The following ANK2 variants were observed in gnomAD, a reference collection of about 807,000 sequenced individuals.
The protein encoded by ANK2 is ankyrin 2, also known as ankyrin-2.
Under a neutral mutation model 360.5 loss-of-function variants are expected in ANK2, and 83 were observed. The observed-to-expected ratio is 0.23, with a 90% CI of 0.19 to 0.28. The LOEUF is 0.28. Among genes scored for constraint, ANK2 ranks in the 10% least tolerant of loss-of-function variants. The pLI, the probability that ANK2 is intolerant of heterozygous loss-of-function variation, is 1.00. For missense variants in ANK2, 4,201 were observed against 4,795.7 expected, an observed-to-expected ratio of 0.88 and a Z score of 3.66; for synonymous variants, 1,740 against 1,759.5, an observed-to-expected ratio of 0.99 and a Z score of 0.28.
intron 1 of ANK2, among the ~76,000 whole-genome samples, chr4:113,090,789 T>A (rs949275363): frequency 6.6e-6 from 1 of 152,212 alleles, no homozygotes; most frequent in African/African-American, 2.4e-5. Context: ...TAATATAATG[T>A]TTTGAAGCTG....
chr4:113,007,891 G>C (rs1355748991), intron 2 of ANK2, among the ~76,000 whole-genome samples: 4 of 152,202 alleles, frequency 2.6e-5, no homozygotes, highest in Admixed American at 2.6e-4. Flanking sequence ...GCAGCAAAAA[G>C]ATGCAATATA....
intron 1 of ANK2, chr4:112,880,790 A>T (rs2076491551): frequency 6.6e-6 from 1 of 152,166 alleles, no homozygotes; most frequent in South Asian, 2.1e-4. Flanking sequence ...TAACTTCCTT[A>T]TAAATCCCTC....
At chr4:113,113,767 C>T (rs2094512053) in intron 1 of ANK2, among the ~76,000 whole-genome samples, 1 of 152,158 alleles carries the variant, frequency 6.6e-6, no homozygotes, top group Non-Finnish European at 1.5e-5. Flanking sequence ...CTTGTCTGTG[C>T]AGAGGTCAGC....
At chr4:112,843,491 T>G (rs2062616613) in intron 1 of ANK2, among the ~76,000 whole-genome samples, 1 of 152,146 alleles carries the variant, frequency 6.6e-6, no homozygotes, top group Non-Finnish European at 1.5e-5. Flanking sequence ...AGTGTTCTGA[T>G]TTAGATAAGA....
chr4:112,842,284 A>G (rs2062266647), intron 1 of ANK2, among the ~76,000 whole-genome samples: 1 of 152,244 alleles, frequency 6.6e-6, no homozygotes, highest in African/African-American at 2.4e-5. Context: ...TGCTGGGATT[A>G]CAGGCGTGAG....
intron 4 of ANK2, among the ~76,000 whole-genome samples, chr4:113,200,979 A>G (rs2098822325): frequency 6.6e-6 from 1 of 152,134 alleles, no homozygotes; most frequent in Non-Finnish European, 1.5e-5. Context: ...TGGTACATGT[A>G]CACCCATGTA....
In ANK2 at chr4:112,932,127, C is replaced by T. The variant is rs145465960; in HGVS notation, c.21+27613C>T. ...ACATATTTGCTTTGGGAGGCTGAGA[C>T]GGGTGGATCACAAGGTCAGGAGATC... is the stretch of plus-strand genomic sequence containing the variant. On this transcript the variant is annotated intron_variant, in intron 2 of 30. Transcript: ENST00000503271. Among the ~76,000 whole-genome samples, 255 of 152,184 alleles carry T rather than the reference C, an allele frequency of 1.7e-3. 3 individuals carry two copies. The East Asian group carries it at 0.039, about 23-fold the overall frequency.
At position 113,255,756 on chromosome 4, in the gene ANK2, A is replaced by G; in HGVS notation, c.1012A>G (p.Met338Val). ...GCAGAATGGGCTGTCTCCACTACACATGGCTGCCCAGGGAGACCACGTGGA... is the reference window on the plus strand; with the variant it reads ...GCAGAATGGGCTGTCTCCACTACACGTGGCTGCCCAGGGAGACCACGTGGA... Reference protein sequence around the residue: ...RTKNGLSPLHMAAQGDHVECV... With the variant: ...RTKNGLSPLHVAAQGDHVECV... The change falls in exon 11 of 46, where the codon ATG becomes GTG. Residue 338 changes from methionine to valine, a missense_variant. Physicochemically the swap from Met to Val is conservative, Grantham distance 21 (BLOSUM62 1). Coordinates refer to ENST00000357077, the MANE Select transcript of ANK2 (RefSeq NM_001148.6). 1 of 1,614,130 alleles carries G rather than the reference A, an allele frequency of 6.2e-7. No homozygotes were observed. The highest frequency in any genetic ancestry group is 1.1e-5 in the South Asian group (1 of 91,076).
intron 2 of ANK2, among the ~76,000 whole-genome samples, chr4:113,174,979 T>C (rs1044869675): frequency 1.1e-4 from 17 of 152,222 alleles, no homozygotes; most frequent in Non-Finnish European, 2.1e-4. Flanking sequence ...TTGAAATTAT[T>C]ATTGTAAATG....
At chr4:112,778,452 A>G in the ANK2 span, among the ~76,000 whole-genome samples, 2 of 152,170 alleles carry the variant, frequency 1.3e-5, no homozygotes, top group African/African-American at 2.4e-5. Flanking sequence ...GATTACAGGC[A>G]TGAACCACCG....
Position 113,363,390 on chromosome 4 carries a change from T to A in ANK2, c.10809T>A (p.Ile3603=), listed in dbSNP as rs924379504. ...FTEEQIHQIR[I]ENPNSLQDQS... ...AGGAGCAAATTCATCAAATTCGAAT[T>A]GAAAATCCCAACTCTCTTCAAGACC... is the stretch of plus-strand genomic sequence containing the variant. Residue 3603 remains isoleucine, a synonymous_variant, in exon 40 of 46, where the codon ATT becomes ATA. Transcript: ENST00000357077. The A allele has an allele frequency of 7.4e-6, 12 of 1,613,330 alleles. No homozygotes were observed. The African/African-American group carries it at 1.6e-4, about 22-fold the overall frequency.
At chr4:113,222,624 T>C (rs1261748941) in intron 4 of ANK2, among the ~76,000 whole-genome samples, 2 of 152,240 alleles carry the variant, frequency 1.3e-5, no homozygotes, top group Non-Finnish European at 2.9e-5. Flanking sequence ...TCTCACCACT[T>C]GGTGTCTCCT....
chr4:113,309,644 A>G (rs2078914446), intron 23 of ANK2, among the ~76,000 whole-genome samples: 1 of 151,920 alleles, frequency 6.6e-6, no homozygotes, highest in African/African-American at 2.4e-5. Flanking sequence ...TCAGCCTCCC[A>G]AGTAGCTGGG....
the ANK2 span, among the ~76,000 whole-genome samples, chr4:112,714,448 G>T: frequency 6.6e-6 from 1 of 152,202 alleles, no homozygotes; most frequent in Non-Finnish European, 1.5e-5. Flanking sequence ...CTCCCAAAGT[G>T]CTGGGATTAC....
chr4:112,729,154 C>T, the ANK2 span, among the ~76,000 whole-genome samples: 1 of 151,930 alleles, frequency 6.6e-6, no homozygotes, highest in Non-Finnish European at 1.5e-5. Flanking sequence ...GGCATGTTTG[C>T]CCCACTACAC....
At chr4:113,148,828 A>C (rs1337141634) in intron 1 of ANK2, among the ~76,000 whole-genome samples, 2 of 152,204 alleles carry the variant, frequency 1.3e-5, no homozygotes, top group African/African-American at 4.8e-5. Flanking sequence ...CATGACTGAA[A>C]TGTAGTGATC....
At chr4:113,290,307 T>A (rs931010003) in intron 20 of ANK2, among the ~76,000 whole-genome samples, 2 of 152,076 alleles carry the variant, frequency 1.3e-5, no homozygotes, top group African/African-American at 4.8e-5. Context: ...GAAAATGACA[T>A]CTTTGGGAAA....
chr4:112,803,518 C>T, the ANK2 span, among the ~76,000 whole-genome samples: 4 of 152,028 alleles, frequency 2.6e-5, no homozygotes, highest in Admixed American at 2.6e-4. Context: ...TGGCTGCCAC[C>T]GGAAGCTGGA....
rs192401360 is a variant in ANK2 at position 113,329,868 on chromosome 4, A to G, written c.2901-378A>G. ...CATGTAGATTTTTTAGGATGTACAC[A>G]TAAGGAAGCAGAAGTCTTTCCATTT... On this transcript the variant is annotated intron_variant, in intron 26 of 45. Transcript: ENST00000357077. Among the ~76,000 whole-genome samples the G allele has an allele frequency of 2.0e-4, 30 of 152,330 alleles. No individual in the cohort carries two copies. In the East Asian group the frequency reaches 5.8e-3, roughly 29 times the overall value.
Sources: allele counts gnomAD v4.1 joint callset (sites outside exome capture counted in the v4.1 genomes callset), GRCh38; gene constraint gnomAD v4.1.1; transcripts MANE v1.5; gene names NCBI Gene and HGNC (gene_info 2026-07-23, HGNC 2026-07-21).